The following PDC variants were observed in gnomAD, a reference collection of about 807,000 sequenced individuals.
PDC encodes the protein 33 kDa phototransducing protein.
In PDC, 19 loss-of-function variants were observed where a neutral mutation model predicts 22.2. The observed-to-expected ratio is 0.86, with a 90% confidence interval of 0.60 to 1.26. The LOEUF (loss-of-function observed/expected upper bound fraction) is 1.26. Ranked by LOEUF, PDC falls within the 50% of genes most tolerant of loss-of-function variation. The pLI is 0.00. For missense variants in PDC, 274 were observed against 286.8 expected (o/e 0.96, Z 0.32); for synonymous variants, 97 against 96.2 (o/e 1.01, Z -0.05).
intron 1 of PDC, among the ~76,000 whole-genome samples, chr1:186,454,347 T>A (rs1322805992): frequency 6.6e-6 from 1 of 151,904 alleles, no homozygotes; most frequent in African/African-American, 2.4e-5. Flanking sequence ...CCCAGCTAAT[T>A]TTTGTATTTT....
chr1:186,449,508 A>G (rs1357447840), intron 1 of PDC, 25 bp from the exon 2 acceptor site: 1 of 1,164,650 alleles, frequency 8.6e-7, no homozygotes, highest in Non-Finnish European at 1.3e-6. Context: ...AAGAAATAAT[A>G]ATGACACAAG....
rs1662150201 is a variant in PDC, at chr1:186,443,593, A to C, written c.*386T>G. ...CTTCAAATAGAAAATTTATTTTCTC[A>C]TGAGATTTCATTTTTATTACACAAA... On this transcript the variant is annotated 3_prime_UTR_variant, in exon 4 of 4. Coordinates refer to ENST00000391997, the MANE Select transcript of PDC (RefSeq NM_002597.5). 6.3e-6 allele frequency: 1 copy of C among 159,096 alleles called. No individual in the cohort carries two copies. The highest frequency in any genetic ancestry group is 2.4e-5 in the African/African-American group (1 of 41,652). 9.9% of individuals were successfully genotyped at this position (159,096 alleles called of 1,614,324 possible).
At chr1:186,447,411 A>T (rs1348064234) in intron 2 of PDC, among the ~76,000 whole-genome samples, 1 of 152,120 alleles carries the variant, frequency 6.6e-6, no homozygotes, top group Non-Finnish European at 1.5e-5. Context: ...AGCCTCCCAG[A>T]GTGCTGGGAT....
chr1:186,448,301 G>T (rs945627702), intron 2 of PDC, among the ~76,000 whole-genome samples: 25 of 152,080 alleles, frequency 1.6e-4, no homozygotes, highest in Non-Finnish European at 3.2e-4. Flanking sequence ...AAACTTACTT[G>T]CTTTCACTAT....
chr1:186,457,316 G>A (rs1013699757), intron 1 of PDC, among the ~76,000 whole-genome samples: 2 of 152,144 alleles, frequency 1.3e-5, no homozygotes, highest in African/African-American at 2.4e-5. Flanking sequence ...ACAACACCAT[G>A]TCAGATCATG....
chr1:186,459,253 G>T (rs1360528603), intron 1 of PDC, among the ~76,000 whole-genome samples: 1 of 151,078 alleles, frequency 6.6e-6, no homozygotes, highest in African/African-American at 2.4e-5. Flanking sequence ...CTGCTTTGCA[G>T]ATCTGAAGTG....
At chr1:186,450,511 A>C (rs191743391) in intron 1 of PDC, among the ~76,000 whole-genome samples, 1 of 151,680 alleles carries the variant, frequency 6.6e-6, no homozygotes, top group Non-Finnish European at 1.5e-5. Flanking sequence ...CGCCCTGCTA[A>C]TGTTTTTTTT....
Position 186,444,462 on chromosome 1 carries a change from A to G in PDC, c.258T>C (p.Asp86=), listed in dbSNP as rs141951413. 502 of 1,609,138 alleles carry G rather than the reference A, an allele frequency of 3.1e-4. 1 individual carries two copies. In the African/African-American group the frequency reaches 5.3e-3, roughly 17 times the overall value. Residue 86 remains aspartate, a synonymous_variant, in exon 4 of 4, where the codon GAT becomes GAC. Transcript: ENST00000391997. ...EYELIHKEKE[D]ENCLRKYRRQ... ...TACGGTATTTACGAAGGCAGTTTTC[A>G]TCCTCTTTCTCTTTATGGATTAGTT...
chr1:186,459,638 C>T (rs79358949), intron 1 of PDC, among the ~76,000 whole-genome samples: 7,176 of 150,666 alleles, frequency 0.048, 510 homozygotes, highest in African/African-American at 0.16. Flanking sequence ...CACTTATAAA[C>T]ATAGTATTTG....
Position 186,446,593 on chromosome 1 carries a change from A to G in PDC, c.62-16T>C. The G allele has an allele frequency of 6.9e-7, 1 of 1,457,650 alleles. No individual in the cohort carries two copies. The highest frequency in any genetic ancestry group is 9.4e-7 in the Non-Finnish European group (1 of 1,062,008). The allele number at this position is 1,457,650 out of a possible 1,614,324, so 90.3% of individuals were successfully genotyped here. A position where few individuals can be genotyped will look rare whatever the true frequency, so the allele number is the denominator to read the frequency against. On this transcript the variant is annotated splice_polypyrimidine_tract_variant and intron_variant, in intron 2 of 3. Transcript: ENST00000391997. ...CCTTTGGGTCCTGGAATGAAATTAA[A>G]AATAAATTGTTTTCCTTTTTATTTT...
At chr1:186,458,115 T>TA (rs34373866) in intron 1 of PDC, among the ~76,000 whole-genome samples, 7 of 150,530 alleles carry the variant, frequency 4.7e-5, no homozygotes, top group East Asian at 1.9e-4. Flanking sequence ...GTATCATCAG[T>TA]AAAAAAAAAT....
intron 1 of PDC, chr1:186,451,401 G>C (rs1398805620): frequency 6.6e-6 from 1 of 152,102 alleles, no homozygotes; most frequent in Non-Finnish European, 1.5e-5. Context: ...AATTATTTAT[G>C]AATAAATTTT....
At chr1:186,445,760 C>T (rs1662214212) in intron 3 of PDC, among the ~76,000 whole-genome samples, 1 of 152,080 alleles carries the variant, frequency 6.6e-6, no homozygotes, top group Non-Finnish European at 1.5e-5. Context: ...CGCCACTGCA[C>T]TCCAGCTGGG....
At chr1:186,447,284 G>A (rs953433019) in intron 2 of PDC, among the ~76,000 whole-genome samples, 1 of 152,072 alleles carries the variant, frequency 6.6e-6, no homozygotes, top group African/African-American at 2.4e-5. Context: ...GAGTAGCTGG[G>A]ACTACAGGCG....
At chr1:186,453,935 C>T (rs956535674) in intron 1 of PDC, among the ~76,000 whole-genome samples, 1 of 152,108 alleles carries the variant, frequency 6.6e-6, no homozygotes, top group Non-Finnish European at 1.5e-5. Flanking sequence ...TTCCATTACG[C>T]CATTCCACTT....
chr1:186,445,669 C>T (rs756242859), intron 3 of PDC, among the ~76,000 whole-genome samples: 7 of 152,090 alleles, frequency 4.6e-5, no homozygotes, highest in Non-Finnish European at 1.0e-4. Context: ...TGGCACATGC[C>T]TGTAGTCCCA....
chr1:186,460,146 G>C (rs1207837837), intron 1 of PDC, among the ~76,000 whole-genome samples: 1 of 152,154 alleles, frequency 6.6e-6, no homozygotes, highest in Admixed American at 6.6e-5. Flanking sequence ...AGCGCCGGAT[G>C]AATACAGCAG....
intron 1 of PDC, among the ~76,000 whole-genome samples, chr1:186,454,523 A>C (rs1468399544): frequency 6.6e-6 from 1 of 152,166 alleles, no homozygotes; most frequent in Admixed American, 6.5e-5. Flanking sequence ...ACGACTCTGG[A>C]AGGTCAGTAT....
chr1:186,448,259 G>A (rs529594349), intron 2 of PDC, among the ~76,000 whole-genome samples: 1 of 152,274 alleles, frequency 6.6e-6, no homozygotes, highest in South Asian at 2.1e-4. Flanking sequence ...ACTGCTATCA[G>A]CAATGTATGA....
Sources: allele counts gnomAD v4.1 joint callset (sites outside exome capture counted in the v4.1 genomes callset), GRCh38; gene constraint gnomAD v4.1.1; transcripts MANE v1.5; gene names NCBI Gene and HGNC (gene_info 2026-07-23, HGNC 2026-07-21).